SHISA9: variants seen among roughly 807,000 people sequenced by gnomAD.
SHISA9 encodes protein shisa-9.
A neutral mutation model predicts 38.0 loss-of-function variants in SHISA9; 13 were observed. The observed-to-expected ratio is 0.34, with a 90% CI of 0.22 to 0.54. The LOEUF (loss-of-function observed/expected upper bound fraction) is 0.54, where lower values mean the gene tolerates loss of function less well. SHISA9 is among the 20% of genes least tolerant of loss of function. The pLI, the probability that SHISA9 is intolerant of heterozygous loss-of-function variation, is 0.91. For missense variants in SHISA9, 538 were observed against 575.8 expected, an observed-to-expected ratio of 0.93 and a Z score of 0.67; for synonymous variants, 275 against 242.0, an observed-to-expected ratio of 1.14 and a Z score of -1.27.
At chr16:13,134,020 A>G (rs545912243) in intron 2 of SHISA9, among the ~76,000 whole-genome samples, 1 of 152,306 alleles carries the variant, frequency 6.6e-6, no homozygotes, top group South Asian at 2.1e-4. Context: ...AGACTCTACA[A>G]TCATCTTGAT....
intron 2 of SHISA9, among the ~76,000 whole-genome samples, chr16:12,920,169 T>G: frequency 7.9e-6 from 1 of 126,628 alleles, no homozygotes; most frequent in African/African-American, 2.9e-5. Context: ...TTGTTTCAAG[T>G]CGTGGGTACG....
chr16:13,271,423 GGTT>G, the SHISA9 span, among the ~76,000 whole-genome samples: 1 of 152,080 alleles, frequency 6.6e-6, no homozygotes, highest in Non-Finnish European at 1.5e-5. Flanking sequence ...AAAGCACTCA[GGTT>G]GTTTTCAGCT....
At chr16:13,545,793 G>C in the SHISA9 span, among the ~76,000 whole-genome samples, 63 of 152,134 alleles carry the variant, frequency 4.1e-4, no homozygotes, top group African/African-American at 1.5e-3. Flanking sequence ...CACCACACCG[G>C]TCCCGATCCG....
At chr16:13,361,819 C>A in the SHISA9 span, among the ~76,000 whole-genome samples, 1 of 152,158 alleles carries the variant, frequency 6.6e-6, no homozygotes, top group Non-Finnish European at 1.5e-5. Flanking sequence ...ATACAATAGG[C>A]TTAAAGAAAT....
chr16:13,203,301 GA>G, intron 2 of SHISA9, 92 bp from the exon 3 acceptor site: 2 of 1,245,310 alleles, frequency 1.6e-6, no homozygotes, highest in Non-Finnish European at 2.1e-6. Flanking sequence ...AAAGGGTGGG[GA>G]GAGTTTTGGT....
chr16:13,191,904 C>T (rs545326980), intron 2 of SHISA9, among the ~76,000 whole-genome samples: 38 of 152,206 alleles, frequency 2.5e-4, no homozygotes, highest in South Asian at 8.3e-4. Context: ...GTATGTTCAT[C>T]GCAGCACTAT....
intron 2 of SHISA9, among the ~76,000 whole-genome samples, chr16:13,015,556 C>G (rs531940395): frequency 1.3e-5 from 2 of 152,222 alleles, no homozygotes; most frequent in East Asian, 3.9e-4. Flanking sequence ...ATATTTTTAC[C>G]CCTCATTTTT....
intron 2 of SHISA9, among the ~76,000 whole-genome samples, chr16:13,137,543 C>T (rs1044466947): frequency 7.4e-5 from 11 of 149,040 alleles, no homozygotes; most frequent in African/African-American, 2.5e-4. Context: ...GCAACGTCCG[C>T]CTCCCGGGTT....
intron 2 of SHISA9, among the ~76,000 whole-genome samples, chr16:13,042,805 C>T (rs754479207): frequency 5.9e-5 from 9 of 152,230 alleles, no homozygotes; most frequent in South Asian, 2.1e-4. Context: ...TGTTTATTGT[C>T]GGTCTCCTCC....
intron 2 of SHISA9, among the ~76,000 whole-genome samples, chr16:12,980,074 G>T (rs1315224569): frequency 2.0e-5 from 3 of 152,236 alleles, no homozygotes; most frequent in South Asian, 2.1e-4. Flanking sequence ...TTTGAGTAGG[G>T]TTTTGCGACT....
chr16:13,290,007 A>C, the SHISA9 span, among the ~76,000 whole-genome samples: 1 of 152,210 alleles, frequency 6.6e-6, no homozygotes, highest in Non-Finnish European at 1.5e-5. Context: ...TTGTTTTATA[A>C]GAGAGATGCA....
chr16:13,055,323 A>G (rs752976639), intron 2 of SHISA9, among the ~76,000 whole-genome samples: 5 of 152,120 alleles, frequency 3.3e-5, no homozygotes, highest in Non-Finnish European at 7.4e-5. Flanking sequence ...TGTGCCCATA[A>G]CCACAGTGCT....
chr16:13,534,224 CTTTT>C, the SHISA9 span, among the ~76,000 whole-genome samples: 1 of 125,802 alleles, frequency 7.9e-6, no homozygotes, highest in Non-Finnish European at 1.6e-5. Context: ...CACCATTTCA[CTTTT>C]TTTTTTTTTT....
chr16:13,328,982 G>A, the SHISA9 span, among the ~76,000 whole-genome samples: 2,870 of 152,202 alleles, frequency 0.019, 75 homozygotes, highest in African/African-American at 0.065. Context: ...AGCTTGCACC[G>A]TTGAATGCCG....
At chr16:13,051,623 A>C (rs944664994) in intron 2 of SHISA9, among the ~76,000 whole-genome samples, 4 of 152,180 alleles carry the variant, frequency 2.6e-5, no homozygotes, top group African/African-American at 9.7e-5. Flanking sequence ...AGGTAGGGCA[A>C]GATAGTTTAA....
the SHISA9 span, among the ~76,000 whole-genome samples, chr16:13,404,318 C>A: frequency 1.3e-5 from 2 of 152,022 alleles, no homozygotes; most frequent in South Asian, 4.2e-4. Context: ...AAAAGAAATA[C>A]GAAAATGAAA....
chr16:13,255,840 TC>T, the SHISA9 span, among the ~76,000 whole-genome samples: 3 of 152,216 alleles, frequency 2.0e-5, no homozygotes, highest in African/African-American at 7.2e-5. Flanking sequence ...TCACTATCTT[TC>T]CTCAAGTTTG....
At chr16:13,285,279 C>G in the SHISA9 span, among the ~76,000 whole-genome samples, 2 of 152,136 alleles carry the variant, frequency 1.3e-5, no homozygotes, top group East Asian at 3.9e-4. Context: ...CTTTGAAATT[C>G]TTTTTCATAC....
chr16:13,188,451 C>G (rs1357436971), intron 2 of SHISA9, among the ~76,000 whole-genome samples: 2 of 152,156 alleles, frequency 1.3e-5, no homozygotes, highest in African/African-American at 4.8e-5. Flanking sequence ...GGCACAATGG[C>G]TTATGCCTGT....
Sources: allele counts gnomAD v4.1 joint callset (sites outside exome capture counted in the v4.1 genomes callset), GRCh38; gene constraint gnomAD v4.1.1; transcripts MANE v1.5; gene names NCBI Gene and HGNC (gene_info 2026-07-23, HGNC 2026-07-21).